The following RNF121 variants were observed in gnomAD, a reference collection of about 807,000 sequenced individuals.
RNF121 encodes ring finger protein 121, also known as E3 ubiquitin ligase RNF121.
RNF121 carries 21 observed loss-of-function variants against 46.5 expected under a neutral mutation model. The ratio of observed to expected loss-of-function variants is 0.45; its 90% CI spans 0.32 to 0.65. The LOEUF (loss-of-function observed/expected upper bound fraction) is 0.65, where lower values mean the gene tolerates loss of function less well. RNF121 is among the 30% of genes least tolerant of loss of function. The pLI is 0.04. For missense variants in RNF121, 346 were observed against 416.0 expected, an observed-to-expected ratio of 0.83 and a Z score of 1.46; for synonymous variants, 139 against 144.7, an observed-to-expected ratio of 0.96 and a Z score of 0.28.
At chr11:71,976,174 G>T (rs1954521877) in intron 3 of RNF121, among the ~76,000 whole-genome samples, 1 of 151,754 alleles carries the variant, frequency 6.6e-6, no homozygotes, top group Non-Finnish European at 1.5e-5. Flanking sequence ...TGGTTTCCAG[G>T]CCTTTTATTA....
intron 3 of RNF121, among the ~76,000 whole-genome samples, chr11:71,967,032 C>T (rs1435321490): frequency 6.1e-5 from 9 of 147,770 alleles, no homozygotes; most frequent in East Asian, 2.0e-4. Flanking sequence ...CCACCGCGCC[C>T]GGCTAATTTT....
intron 1 of RNF121, among the ~76,000 whole-genome samples, chr11:71,953,030 G>A (rs953371161): frequency 6.6e-6 from 1 of 152,054 alleles, no homozygotes; most frequent in Non-Finnish European, 1.5e-5. Context: ...GTACAGAATA[G>A]TACATTTTAT....
intron 3 of RNF121, among the ~76,000 whole-genome samples, chr11:71,964,146 C>T (rs957409292): frequency 6.6e-6 from 1 of 152,084 alleles, no homozygotes; most frequent in African/African-American, 2.4e-5. Flanking sequence ...TACCTGAACA[C>T]AGGATATCTT....
chr11:71,960,692 T>A, intron 2 of RNF121, 58 bp from the exon 3 acceptor site: 1 of 1,573,844 alleles, frequency 6.4e-7, no homozygotes, highest in South Asian at 1.2e-5. Flanking sequence ...TGGAAAGCAC[T>A]GTCCCTTTAT....
chr11:71,943,665 T>A (rs1269152366), intron 1 of RNF121, among the ~76,000 whole-genome samples: 1 of 152,148 alleles, frequency 6.6e-6, no homozygotes, highest in Non-Finnish European at 1.5e-5. Context: ...TAATAATTGC[T>A]ATAATATGAA....
intron 6 of RNF121, among the ~76,000 whole-genome samples, chr11:71,991,954 CA>C (rs113137594): frequency 0.04 from 5,004 of 123,738 alleles, 70 homozygotes; most frequent in East Asian, 0.089. Context: ...AAAAATGAGA[CA>C]AAAAAAAAAA....
At chr11:71,994,978 G>A in intron 7 of RNF121, 126 bp downstream of exon 7, 1 of 1,264,682 alleles carries the variant, frequency 7.9e-7, no homozygotes, top group Non-Finnish European at 1.1e-6. Context: ...AGAGCCACAA[G>A]AGGGCCACCT....
intron 1 of RNF121, among the ~76,000 whole-genome samples, chr11:71,944,692 A>G (rs1263769979): frequency 6.6e-6 from 1 of 152,150 alleles, no homozygotes; most frequent in African/African-American, 2.4e-5. Flanking sequence ...CAGCATTAGG[A>G]CACCAGAAGA....
At chr11:71,938,314 ATTTTTTTT>A (rs71958930) in intron 1 of RNF121, among the ~76,000 whole-genome samples, 1 of 94,926 alleles carries the variant, frequency 1.1e-5, no homozygotes, top group East Asian at 3.2e-4. Flanking sequence ...TAGTCTCTTA[ATTTTTTTT>A]TTTTTTTTTT....
chr11:71,969,954 G>C (rs1415003802), intron 3 of RNF121, among the ~76,000 whole-genome samples: 1 of 152,198 alleles, frequency 6.6e-6, no homozygotes, highest in Non-Finnish European at 1.5e-5. Context: ...GGATAGGATA[G>C]AGACGAGCAC....
intron 4 of RNF121, among the ~76,000 whole-genome samples, chr11:71,985,894 A>G (rs1954762039): frequency 6.6e-6 from 1 of 151,672 alleles, no homozygotes; most frequent in South Asian, 2.1e-4. Context: ...GGAGTTCTAG[A>G]CCAGTCTGGG....
intron 3 of RNF121, among the ~76,000 whole-genome samples, chr11:71,979,840 A>G (rs796312687): frequency 4.6e-5 from 7 of 152,328 alleles, no homozygotes; most frequent in African/African-American, 1.7e-4. Flanking sequence ...TCTCAGAGAG[A>G]ACAAATGTGA....
intron 1 of RNF121, among the ~76,000 whole-genome samples, chr11:71,942,660 A>C (rs1953603643): frequency 6.6e-6 from 1 of 151,696 alleles, no homozygotes; most frequent in Non-Finnish European, 1.5e-5. Context: ...GCTACTCTGG[A>C]GGCTGAGGCA....
intron 6 of RNF121, among the ~76,000 whole-genome samples, chr11:71,994,113 T>C (rs1011494072): frequency 3.3e-5 from 5 of 152,190 alleles, no homozygotes; most frequent in African/African-American, 1.2e-4. Flanking sequence ...GTGCTGGGGT[T>C]ACAGGCGTCA....
At chr11:71,948,917 G>A (rs1953795549) in intron 1 of RNF121, among the ~76,000 whole-genome samples, 1 of 124,404 alleles carries the variant, frequency 8.0e-6, no homozygotes, top group African/African-American at 3.0e-5. Context: ...GATAGAGACA[G>A]TTAGCCTGGT....
intron 6 of RNF121, 119 bp from the exon 7 acceptor site, chr11:71,994,600 C>A: frequency 8.7e-7 from 1 of 1,149,864 alleles, no homozygotes; most frequent in Non-Finnish European, 1.3e-6. Flanking sequence ...TCCTCTAACT[C>A]TGGGCCTCCC....
At chr11:71,944,949 T>C (rs1953678996) in intron 1 of RNF121, among the ~76,000 whole-genome samples, 2 of 152,034 alleles carry the variant, frequency 1.3e-5, no homozygotes, top group Non-Finnish European at 2.9e-5. Context: ...AAAGATCAAG[T>C]AGGATTATGT....
intron 3 of RNF121, 136 bp from the exon 4 acceptor site, chr11:71,982,625 A>T: frequency 1.2e-6 from 1 of 866,898 alleles, no homozygotes; most frequent in Non-Finnish European, 1.7e-6. Flanking sequence ...TTGGATCACT[A>T]GTGGAGTTAA....
intron 1 of RNF121, among the ~76,000 whole-genome samples, chr11:71,949,157 C>T (rs113071721): frequency 0.026 from 3,912 of 152,296 alleles, 54 homozygotes; most frequent in East Asian, 0.075. Flanking sequence ...GTGGTTCACG[C>T]CTGTAATCCT....
Sources: gnomAD v4.1 joint callset for allele counts (sites outside exome capture counted in the v4.1 genomes callset) on GRCh38, gnomAD v4.1.1 for gene constraint, MANE v1.5 for transcripts, NCBI Gene and HGNC (gene_info 2026-07-23, HGNC 2026-07-21) for gene names.